Variants in OSBPL5 observed in about 807,000 individuals in gnomAD.
OSBPL5 encodes oxysterol-binding protein-related protein 5.
In OSBPL5, 71 loss-of-function variants were observed where a neutral mutation model predicts 111.2. The observed-to-expected ratio is 0.64, with a 90% CI of 0.53 to 0.78. The LOEUF is 0.78. Ranked by LOEUF, OSBPL5 falls within the 30% of genes least tolerant of loss-of-function variation. The probability of loss-of-function intolerance (pLI) is 0.00; values close to 1 mark genes in which losing one functional copy is unlikely to be tolerated. For missense variants in OSBPL5, 1,210 were observed against 1,189.3 expected, an observed-to-expected ratio of 1.02 and a Z score of -0.26; for synonymous variants, 549 against 513.9, an observed-to-expected ratio of 1.07 and a Z score of -0.93.
chr11:3,104,113 AG>A lies in OSBPL5; in HGVS notation c.1244+79del. 1 of 1,436,650 alleles carries A rather than the reference AG, an allele frequency of 7.0e-7. No individual in the cohort carries two copies. 89.0% of individuals were successfully genotyped at this position (1,436,650 alleles called of 1,614,324 possible). Reference sequence around the variant, plus strand: ...GATTCTCTGGAAGCCCCCACAGGGCAGGTAGGGGCTGGGGGTGCTGCAGGGT... The same window carrying A: ...GATTCTCTGGAAGCCCCCACAGGGCAGTAGGGGCTGGGGGTGCTGCAGGGT... On this transcript the variant is annotated intron_variant, in intron 10 of 21. Transcript: ENST00000263650. The surrounding 1 kb of genome is among the most constrained non-coding windows in gnomAD (Gnocchi z 5.0).
intron 1 of OSBPL5, among the ~76,000 whole-genome samples, chr11:3,139,548 A>ACCAGCCCAGGCAC (rs1846045902): frequency 6.6e-6 from 1 of 152,166 alleles, no homozygotes; most frequent in Admixed American, 6.5e-5. Flanking sequence ...GGCTTTAATC[A>ACCAGCCCAGGCAC]CCAGCCCAGG....
chr11:3,116,777 C>A (rs1468035848), intron 7 of OSBPL5, among the ~76,000 whole-genome samples: 1 of 147,632 alleles, frequency 6.8e-6, no homozygotes, highest in Non-Finnish European at 1.5e-5. Flanking sequence ...ATTGCTTGAA[C>A]CCAGGAGGTG....
intron 7 of OSBPL5, among the ~76,000 whole-genome samples, chr11:3,114,460 G>T (rs1564839395): frequency 6.6e-6 from 1 of 150,994 alleles, no homozygotes; most frequent in Non-Finnish European, 1.5e-5. Flanking sequence ...CACAATAAGA[G>T]GATCTATTAA....
At chr11:3,149,227 C>A (rs1386216563) in intron 1 of OSBPL5, among the ~76,000 whole-genome samples, 2 of 152,254 alleles carry the variant, frequency 1.3e-5, no homozygotes, top group East Asian at 3.8e-4. Context: ...CACCACCACG[C>A]TGGAAGTCCC....
chr11:3,137,155 G>A (rs1458262465), intron 1 of OSBPL5, among the ~76,000 whole-genome samples: 1 of 152,186 alleles, frequency 6.6e-6, no homozygotes, highest in Non-Finnish European at 1.5e-5. Flanking sequence ...AAACCACGCA[G>A]GCCTCCTGAG....
chr11:3,102,079 C>T (rs1857479752), intron 12 of OSBPL5, 104 bp downstream of exon 12: 1 of 1,227,424 alleles, frequency 8.1e-7, no homozygotes. Context: ...GAAGCCGGCC[C>T]TCGGGGTCAC....
At chr11:3,150,129 G>A (rs764042396) in intron 1 of OSBPL5, among the ~76,000 whole-genome samples, 15 of 152,250 alleles carry the variant, frequency 9.9e-5, no homozygotes, top group East Asian at 1.9e-4. Flanking sequence ...CATGGCTGCC[G>A]CTTCCCAAGA....
chr11:3,108,088 C>T (rs1857776984), intron 7 of OSBPL5, 143 bp from the exon 8 acceptor site: 1 of 1,053,258 alleles, frequency 9.5e-7, no homozygotes, highest in Non-Finnish European at 1.3e-6. Flanking sequence ...GGCCCTGCCC[C>T]AGCAGGGACA....
intron 14 of OSBPL5, 49 bp from the exon 15 acceptor site, chr11:3,094,383 C>T (rs759497930): frequency 7.9e-6 from 12 of 1,514,520 alleles, no homozygotes; most frequent in Non-Finnish European, 1.0e-5. Context: ...CCCTGCTGAG[C>T]CCCAGGCCCT....
At position 3,154,764 on chromosome 11, in the gene OSBPL5, C is replaced by G. The variant is rs532203191; in HGVS notation, c.-22+10452G>C. Among the ~76,000 whole-genome samples the G allele has an allele frequency of 1.3e-5, 2 of 152,110 alleles. No individual in the cohort carries two copies. ...TCTCAGCCCCTAGGACCTGAGAAAGCGGCTGTACTTGGAGATGGGGTCTTT... is the reference window on the plus strand; with the variant it reads ...TCTCAGCCCCTAGGACCTGAGAAAGGGGCTGTACTTGGAGATGGGGTCTTT... On this transcript the variant is annotated intron_variant, in intron 1 of 21. Coordinates refer to ENST00000263650, the MANE Select transcript of OSBPL5 (RefSeq NM_020896.4). The surrounding 1 kb of genome is among the most constrained non-coding windows in gnomAD (Gnocchi z 4.9).
At position 3,126,536 on chromosome 11, in the gene OSBPL5, G is replaced by T; in HGVS notation, c.156C>A (p.Asn52Lys). Residue 52 changes from asparagine (N) to lysine (K), a missense_variant, in exon 3 of 22, where the codon AAC becomes AAA. Coordinates refer to ENST00000263650, the MANE Select transcript of OSBPL5 (RefSeq NM_020896.4). This position sits in a 1 kb window ranked among gnomAD's most constrained non-coding sequence, Gnocchi z 6.5. ...PLSPGKDMEP[N>K]GPSLPRDEGP... ...CTTCATCCCTGGGCAGCGACGGGCC[G>T]TTGGGCTCCATGTCCTTCCCTGCAA... is the stretch of plus-strand genomic sequence containing the variant. 2 of 1,608,850 alleles carry T rather than the reference G, an allele frequency of 1.2e-6. No individual in the cohort carries two copies. The highest frequency in any genetic ancestry group is 8.5e-7 in the Non-Finnish European group (1 of 1,178,388).
At position 3,119,568 on chromosome 11, in the gene OSBPL5, T is replaced by C; in HGVS notation, c.670A>G (p.Arg224Gly). 1 of 1,579,434 alleles carries C rather than the reference T, an allele frequency of 6.3e-7. No individual in the cohort carries two copies. The highest frequency in any genetic ancestry group is 8.6e-7 in the Non-Finnish European group (1 of 1,167,024). Residue 224 changes from arginine to glycine, a missense_variant, in exon 7 of 22, where the codon AGG (arginine) becomes GGG (glycine). Arg to Gly is a moderately radical substitution (Grantham distance 125). Transcript: ENST00000263650. ...QPLPSSYLIFRAASESDGRCW... is the reference protein window; with the variant it reads ...QPLPSSYLIFGAASESDGRCW... The stretch of plus-strand genomic sequence containing the variant: ...TCACCATCTGACTCGGAGGCGGCCC[T>C]GAAGATCAGGTAGCTGCTGGGCAGG...
At chr11:3,160,871 C>T (rs1459423254) in intron 1 of OSBPL5, 1 of 152,214 alleles carries the variant, frequency 6.6e-6, no homozygotes, top group African/African-American at 2.4e-5. Flanking sequence ...TGTCCCCCAG[C>T]GTCTGGAGGC....
At chr11:3,125,962 A>G (rs1012253213) in intron 3 of OSBPL5, among the ~76,000 whole-genome samples, 1 of 152,240 alleles carries the variant, frequency 6.6e-6, no homozygotes, top group Non-Finnish European at 1.5e-5. Context: ...AGCCTGGGTG[A>G]CAGAGGGAGA....
chr11:3,096,974 G>A (rs1445212557), intron 14 of OSBPL5, among the ~76,000 whole-genome samples: 20 of 124,786 alleles, frequency 1.6e-4, no homozygotes, highest in African/African-American at 6.1e-4. Flanking sequence ...AGAGGAAAGA[G>A]GGGGAAGGTG....
intron 1 of OSBPL5, among the ~76,000 whole-genome samples, chr11:3,160,539 T>C (rs1181205516): frequency 2.0e-5 from 3 of 152,212 alleles, no homozygotes; most frequent in Non-Finnish European, 2.9e-5. Flanking sequence ...GACTCTGTCT[T>C]ATTCGCCGCA....
At position 3,126,172 on chromosome 11, in the gene OSBPL5, G is replaced by A. The variant is rs1373668664; in HGVS notation, c.219+301C>T. ...TTCTATATTATCCTGGAATTACCAT[G>A]TGACCTAGCAATTCCAATTACTCTA... is the stretch of plus-strand genomic sequence containing the variant. On this transcript the variant is annotated intron_variant, in intron 3 of 21. Transcript: ENST00000263650. The surrounding 1 kb of genome is among the most constrained non-coding windows in gnomAD (Gnocchi z 6.5). Among the ~76,000 whole-genome samples, 1 of 152,200 alleles carries A rather than the reference G, an allele frequency of 6.6e-6. No individual in the cohort carries two copies. The highest frequency in any genetic ancestry group is 1.9e-4 in the East Asian group (1 of 5,198).
chr11:3,128,841 G>A, intron 2 of OSBPL5, among the ~76,000 whole-genome samples, 172 bp downstream of exon 2: 1 of 152,084 alleles, frequency 6.6e-6, no homozygotes. Context: ...AAGCCAAGAA[G>A]CCGTATTACC....
At position 3,103,762 on chromosome 11, in the gene OSBPL5, C is replaced by T. The variant is rs1279545546; in HGVS notation, c.1244+431G>A. Among the ~76,000 whole-genome samples, 8 of 30,724 alleles carry T rather than the reference C, an allele frequency of 2.6e-4. 1 individual carries two copies. Among genetic ancestry groups the T allele is most frequent in the Non-Finnish European group, 6.9e-4 (7 of 10,212 alleles). The allele number at this position is 30,724 out of a possible 152,430, so 20.2% of individuals were successfully genotyped here. A position where few individuals can be genotyped will look rare whatever the true frequency, so the allele number is the denominator to read the frequency against. On this transcript the variant is annotated intron_variant, in intron 10 of 21. Coordinates refer to ENST00000263650, the MANE Select transcript of OSBPL5 (RefSeq NM_020896.4). ...CCTCTGCAACCCTCTTCCAGCTCTG[C>T]AGCCCCCTTCCAGCCTCTGCAGTCC...
Sources: allele counts gnomAD v4.1 joint callset (sites outside exome capture counted in the v4.1 genomes callset), GRCh38; gene constraint gnomAD v4.1.1; non-coding constraint Gnocchi (gnomAD v3.1); transcripts MANE v1.5; gene names NCBI Gene and HGNC (gene_info 2026-07-23, HGNC 2026-07-21).